ANKLE2: variants seen among roughly 807,000 people sequenced by gnomAD.
The protein encoded by ANKLE2 is ankyrin repeat and LEM domain-containing protein 2.
ANKLE2 carries 55 observed loss-of-function variants against 84.2 expected under a neutral mutation model. That is an observed-to-expected ratio of 0.65 (90% confidence interval 0.53 to 0.82). ANKLE2 has a LOEUF of 0.82. Ranked by LOEUF, ANKLE2 falls within the 40% of genes least tolerant of loss-of-function variation. The probability of loss-of-function intolerance (pLI) is 0.00; values close to 1 mark genes in which losing one functional copy is unlikely to be tolerated. For missense variants in ANKLE2, 1,238 were observed against 1,201.9 expected, an observed-to-expected ratio of 1.03 and a Z score of -0.44; for synonymous variants, 551 against 486.1, an observed-to-expected ratio of 1.13 and a Z score of -1.76.
intron 10 of ANKLE2, among the ~76,000 whole-genome samples, chr12:132,733,703 G>T (rs552231197): frequency 3.9e-5 from 6 of 152,096 alleles, no homozygotes; most frequent in Non-Finnish European, 7.4e-5. Flanking sequence ...ACTGTGTGAA[G>T]CGCTCTGCGT....
chr12:132,729,715 ACCTCGAGCTGAT>A lies in ANKLE2; in HGVS notation c.2435_2446del (p.Asp812_Glu815del). ...GAGCCGCCTGGCCGGTTCCCTGGTG[ACCTCGAGCTGAT>A]CCTCGTGCCTGGGGCTGCTGGGACT... On this transcript the variant is annotated inframe_deletion, in exon 11 of 13. Transcript: ENST00000357997. 6.2e-7 allele frequency: 1 copy of A among 1,608,666 alleles called. No individual in the cohort carries two copies. The highest frequency in any genetic ancestry group is 8.5e-7 in the Non-Finnish European group (1 of 1,178,726).
rs368702901 is a variant in ANKLE2, at chr12:132,755,123, T to C, written c.192A>G (p.Thr64=). 4 of 1,600,908 alleles carry C rather than the reference T, an allele frequency of 2.5e-6. No homozygotes were observed. Among genetic ancestry groups the C allele is most frequent in the Non-Finnish European group, 1.7e-6 (2 of 1,177,370 alleles). Residue 64 remains threonine, a synonymous_variant, in exon 2 of 13, where the codon ACA becomes ACG. Transcript: ENST00000357997. ...TCAATCGAGCCAACAGAGCATCCAT[T>C]GTCATTTCACCTAGGCCCAAGACAA... ...AAAAPASGEM[T]MDALLARLKL...
At chr12:132,753,740 C>CA (rs1566035908) in intron 2 of ANKLE2, among the ~76,000 whole-genome samples, 1 of 150,728 alleles carries the variant, frequency 6.6e-6, no homozygotes, top group Admixed American at 6.6e-5. Flanking sequence ...GACTCTGTCT[C>CA]AAAAAAACAA....
At chr12:132,740,870 G>A (rs565551591) in intron 7 of ANKLE2, among the ~76,000 whole-genome samples, 203 of 152,298 alleles carry the variant, frequency 1.3e-3, no homozygotes, top group African/African-American at 4.7e-3. Context: ...CGAGTGGGGA[G>A]GGAGTGTCCC....
intron 10 of ANKLE2, among the ~76,000 whole-genome samples, chr12:132,732,426 C>G (rs1359114534): frequency 5.2e-5 from 7 of 135,602 alleles, no homozygotes; most frequent in Middle Eastern, 5.1e-3. Context: ...CTCTCTGCGT[C>G]CTGGTGTCTG....
In ANKLE2 at chr12:132,726,992, T is replaced by C; in HGVS notation, c.*250A>G. ...GACCTAGAAATTGCCACCTAAAAAG[T>C]CTACCATTACCACATGGATATTTTC... On this transcript the variant is annotated 3_prime_UTR_variant, in exon 13 of 13. Transcript: ENST00000357997. 2.0e-6 allele frequency: 1 copy of C among 512,710 alleles called. No individual in the cohort carries two copies. Among genetic ancestry groups the C allele is most frequent in the Non-Finnish European group, 3.4e-6 (1 of 297,296 alleles). 31.8% of individuals were successfully genotyped at this position (512,710 alleles called of 1,614,324 possible).
intron 7 of ANKLE2, among the ~76,000 whole-genome samples, chr12:132,740,167 C>T (rs1421549469): frequency 2.0e-5 from 3 of 152,204 alleles, no homozygotes; most frequent in East Asian, 1.9e-4. Context: ...CTGAAGGTTC[C>T]GGCTGGGCCT....
chr12:132,752,668 C>CAAGTACACAACTTTTGAGACTGG (rs2044382048), intron 2 of ANKLE2, among the ~76,000 whole-genome samples: 1 of 152,110 alleles, frequency 6.6e-6, no homozygotes, highest in Non-Finnish European at 1.5e-5. Flanking sequence ...CGCGCCCGGC[C>CAAGTACACAACTTTTGAGACTGG]CCTACGTATT....
intron 2 of ANKLE2, among the ~76,000 whole-genome samples, chr12:132,754,017 T>C (rs1593180138): frequency 1.3e-5 from 2 of 150,366 alleles, no homozygotes; most frequent in Non-Finnish European, 1.5e-5. Flanking sequence ...CCAAGGCAGG[T>C]GGATCATGAG....
intron 5 of ANKLE2, among the ~76,000 whole-genome samples, chr12:132,747,533 G>A (rs1275573050): frequency 6.6e-6 from 1 of 152,190 alleles, no homozygotes; most frequent in Admixed American, 6.5e-5. Context: ...GTGCTGCTCA[G>A]CTCAAGGTGT....
chr12:132,752,814 T>C (rs551555914), intron 2 of ANKLE2, among the ~76,000 whole-genome samples: 1 of 152,302 alleles, frequency 6.6e-6, no homozygotes, highest in South Asian at 2.1e-4. Flanking sequence ...GGCATCCCAA[T>C]TAATACTGAG....
rs765057984 is a variant in ANKLE2 at position 132,727,234 on chromosome 12, C to T, written c.*8G>A. ...AATGAAGAACAAACCGAGAGCCCAG[C>T]GCCAAGCCTACAGGGCGGCAAGCTC... On this transcript the variant is annotated 3_prime_UTR_variant, in exon 13 of 13. Coordinates refer to ENST00000357997, the MANE Select transcript of ANKLE2 (RefSeq NM_015114.3). 31 of 1,544,596 alleles carry T rather than the reference C, an allele frequency of 2.0e-5. No individual in the cohort carries two copies. The Admixed American group carries it at 3.9e-4, about 20-fold the overall frequency.
In ANKLE2 at chr12:132,754,662, A is replaced by G; in HGVS notation, c.640+13T>C. On this transcript the variant is annotated intron_variant, in intron 2 of 12. Coordinates refer to ENST00000357997, the MANE Select transcript of ANKLE2 (RefSeq NM_015114.3). Reference sequence around the variant, plus strand: ...CTATCTGTGTGAGGAAATCCTACACACGGTCCCATTACCATTTCTCGCTGG... The same window carrying G: ...CTATCTGTGTGAGGAAATCCTACACGCGGTCCCATTACCATTTCTCGCTGG... 6.3e-7 allele frequency: 1 copy of G among 1,585,802 alleles called. No individual in the cohort carries two copies. The highest frequency in any genetic ancestry group is 1.4e-5 in the African/African-American group (1 of 73,946).
chr12:132,732,757 A>T (rs1440106281), intron 10 of ANKLE2, among the ~76,000 whole-genome samples: 10 of 57,456 alleles, frequency 1.7e-4, no homozygotes, highest in East Asian at 6.3e-4. Context: ...CATGTGAAGC[A>T]CTGCGCGTCC....
chr12:132,733,913 C>A, intron 10 of ANKLE2: 1 of 454,298 alleles, frequency 2.2e-6, no homozygotes. Flanking sequence ...AATGCAAACA[C>A]AAGCAGAAAC....
Position 132,726,858 on chromosome 12 carries a change from C to T in ANKLE2, c.*384G>A, listed in dbSNP as rs765946040. On this transcript the variant is annotated 3_prime_UTR_variant, in exon 13 of 13. Transcript: ENST00000357997. The stretch of plus-strand genomic sequence containing the variant: ...AAAGGGACATCGGTGCTCACGCCTC[C>T]GCCAAGCCCCTCCTCATCCACAGCG... 2 of 182,964 alleles carry T rather than the reference C, an allele frequency of 1.1e-5. No individual in the cohort carries two copies. Among genetic ancestry groups the T allele is most frequent in the African/African-American group, 2.4e-5 (1 of 42,542 alleles). The allele number at this position is 182,964 out of a possible 1,614,324, so 11.3% of individuals were successfully genotyped here.
At chr12:132,755,545 CA>C (rs575972417) in intron 1 of ANKLE2, 167 of 107,512 alleles carry the variant, frequency 1.6e-3, no homozygotes, top group Admixed American at 2.3e-3. Context: ...AACTCCAGCT[CA>C]AAAAAAAAAA....
In ANKLE2 at chr12:132,727,232, A is replaced by G; in HGVS notation, c.*10T>C. On this transcript the variant is annotated 3_prime_UTR_variant, in exon 13 of 13. Transcript: ENST00000357997. Reference sequence around the variant, plus strand: ...AAAATGAAGAACAAACCGAGAGCCCAGCGCCAAGCCTACAGGGCGGCAAGC... The same window carrying G: ...AAAATGAAGAACAAACCGAGAGCCCGGCGCCAAGCCTACAGGGCGGCAAGC... 6.5e-7 allele frequency: 1 copy of G among 1,541,502 alleles called. No individual in the cohort carries two copies. The highest frequency in any genetic ancestry group is 8.8e-7 in the Non-Finnish European group (1 of 1,140,906).
At chr12:132,741,122 G>A (rs563689462) in intron 7 of ANKLE2, among the ~76,000 whole-genome samples, 2 of 152,290 alleles carry the variant, frequency 1.3e-5, no homozygotes, top group South Asian at 2.1e-4. Context: ...GAGAGAGACC[G>A]ATGGATCCAG....
Sources: allele counts gnomAD v4.1 joint callset (sites outside exome capture counted in the v4.1 genomes callset), GRCh38; gene constraint gnomAD v4.1.1; transcripts MANE v1.5; gene names NCBI Gene and HGNC (gene_info 2026-07-23, HGNC 2026-07-21).